Variants in PLEC observed in about 807,000 individuals in gnomAD.
The protein encoded by PLEC is hemidesmosomal protein 1.
PLEC carries 216 observed loss-of-function variants against 392.8 expected under a neutral mutation model. The observed-to-expected ratio is 0.55, with a 90% confidence interval of 0.49 to 0.62. The LOEUF (loss-of-function observed/expected upper bound fraction) is 0.62, where lower values mean the gene tolerates loss of function less well. Ranked by LOEUF, PLEC falls within the 20% of genes least tolerant of loss-of-function variation. The pLI, the probability that PLEC is intolerant of heterozygous loss-of-function variation, is 0.00. For missense variants in PLEC, 6,863 were observed against 6,563.4 expected, an observed-to-expected ratio of 1.05 and a Z score of -1.58; for synonymous variants, 3,621 against 2,980.6, an observed-to-expected ratio of 1.21 and a Z score of -7.00.
chr8:143,923,489 G>A lies in PLEC; in HGVS notation c.6440C>T (p.Ala2147Val), dbSNP rs201351000. 53 of 1,599,738 alleles carry A rather than the reference G, an allele frequency of 3.3e-5. No individual in the cohort carries two copies. In the East Asian group the frequency reaches 8.5e-4, roughly 26 times the overall value. Reference protein sequence around the residue: ...KLRKEAEQEAARRAQAEQAAL... With the variant: ...KLRKEAEQEAVRRAQAEQAAL... The stretch of plus-strand genomic sequence containing the variant: ...CGCCTGCTCCGCCTGTGCCCGCCGC[G>A]CCGCCTCTTGCTCGGCCTCCTTGCG... Residue 2147 changes from alanine to valine, a missense_variant, in exon 31 of 32, where the codon GCG becomes GTG. Ala to Val is a moderately conservative substitution (Grantham distance 64). Coordinates refer to ENST00000345136, the MANE Select transcript of PLEC (RefSeq NM_201384.3).
intron 5 of PLEC, 111 bp downstream of exon 5, chr8:143,936,868 A>C (rs1587184146): frequency 1.2e-6 from 1 of 839,450 alleles, no homozygotes; most frequent in Non-Finnish European, 2.0e-6. Flanking sequence ...GGCGCCAGTC[A>C]CCTCCCAGGC....
At position 143,918,457 on chromosome 8, in the gene PLEC, C is replaced by T. The variant is rs782618512; in HGVS notation, c.11364G>A (p.Lys3788=). The T allele has an allele frequency of 8.8e-6, 14 of 1,590,296 alleles. No individual in the cohort carries two copies. The highest frequency in any genetic ancestry group is 1.2e-5 in the Non-Finnish European group (14 of 1,170,186). ...GGGCCTCCTCAGTAGGGATCAGCTC[C>T]TTCTTCATGGCCTGGAAGAGCGAGA... ...QTISLFQAMK[K]ELIPTEEALR... Residue 3788 remains lysine (K), a synonymous_variant, in exon 32 of 32, where the codon AAG becomes AAA. Transcript: ENST00000345136.
Position 143,929,672 on chromosome 8 carries a change from T to C in PLEC, c.2897A>G (p.Gln966Arg). The C allele has an allele frequency of 6.2e-7, 1 of 1,600,892 alleles. No homozygotes were observed. The highest frequency in any genetic ancestry group is 8.5e-7 in the Non-Finnish European group (1 of 1,179,276). The stretch of plus-strand genomic sequence containing the variant: ...CTGTTCCAGGCTCTGCAGCAGCTGC[T>C]GGTAGTGGTGGCTGCAGGAGCCGTA... ...REYGSCSHHY[Q>R]QLLQSLEQGA... The change falls in exon 23 of 32, where the codon CAG (glutamine) becomes CGG (arginine). Residue 966 changes from glutamine (Q) to arginine (R), a missense_variant. Gln to Arg is a conservative substitution (Grantham distance 43). Coordinates refer to ENST00000345136, the MANE Select transcript of PLEC (RefSeq NM_201384.3).
In PLEC at chr8:143,922,062, G is replaced by A. The variant is rs782024891; in HGVS notation, c.7759C>T (p.Leu2587=). ...CGCAGCCTCTGGTTCTCCTCAGCCAGCAGCTCCTCCTGCTGCCGCCGCTGC... is the reference window on the plus strand; with the variant it reads ...CGCAGCCTCTGGTTCTCCTCAGCCAACAGCTCCTCCTGCTGCCGCCGCTGC... ...EQQRRQQEEL[L]AEENQRLREQ... is the part of the protein sequence containing the mutation. The change falls in exon 32 of 32, where the codon CTG becomes TTG. Residue 2587 remains leucine (L), a synonymous_variant. Coordinates refer to ENST00000345136, the MANE Select transcript of PLEC (RefSeq NM_201384.3). The A allele has an allele frequency of 1.9e-6, 3 of 1,590,116 alleles. No individual in the cohort carries two copies. Among genetic ancestry groups the A allele is most frequent in the Non-Finnish European group, 1.7e-6 (2 of 1,176,246 alleles).
chr8:143,950,120 C>G, intron 1 of PLEC: 2 of 1,454,772 alleles, frequency 1.4e-6, no homozygotes, highest in Non-Finnish European at 1.8e-6. Context: ...GGCCCAGGCC[C>G]AAGACCCGAC....
upstream of PLEC, among the ~76,000 whole-genome samples, chr8:143,952,740 G>C (rs1450875821): frequency 6.6e-6 from 1 of 152,148 alleles, no homozygotes; most frequent in Non-Finnish European, 1.5e-5. Flanking sequence ...TCCTACACAG[G>C]CCTGCAGGGG....
upstream of PLEC, chr8:143,942,321 A>C: frequency 2.5e-6 from 4 of 1,569,654 alleles, no homozygotes; most frequent in Non-Finnish European, 3.5e-6. Context: ...GGTTCCCAGC[A>C]GAGACCCAGC....
At position 143,923,265 on chromosome 8, in the gene PLEC, G is replaced by A. The variant is rs1823561323; in HGVS notation, c.6664C>T (p.Gln2222Ter). 6.2e-7 allele frequency: 1 copy of A among 1,606,326 alleles called. No homozygotes were observed. The highest frequency in any genetic ancestry group is 8.5e-7 in the Non-Finnish European group (1 of 1,179,892). Residue 2222 changes from glutamine (Q) to a stop codon, truncating the protein, a stop_gained, in exon 31 of 32, where the codon CAG (glutamine) becomes TAG (stop). Transcript: ENST00000345136. LOFTEE classifies it high-confidence loss of function. ...LKAEATEAAR[Q>*]RSQVEEELFS... is the part of the protein sequence containing the mutation. ...AGCTCCTCCTCCACCTGGCTGCGCT[G>A]GCGTGCGGCCTCCGTGGCCTCCGCC...
At chr8:143,944,614 G>T in intron 1 of PLEC, 1 of 1,283,514 alleles carries the variant, frequency 7.8e-7, no homozygotes, top group Non-Finnish European at 1.0e-6. Context: ...AAGGGGCCAG[G>T]ATTTCACAAG....
Position 143,929,399 on chromosome 8 carries a change from G to T in PLEC, c.3081+15C>A, listed in dbSNP as rs1373601781. The T allele has an allele frequency of 6.4e-7, 1 of 1,561,532 alleles. No individual in the cohort carries two copies. The highest frequency in any genetic ancestry group is 1.9e-5 in the Admixed American group (1 of 52,730). ...GGGAGAGGGATGGGACTGGATGGGG[G>T]GGGACGGCCCCTGCCTGCTGCTCGG... On this transcript the variant is annotated intron_variant, in intron 24 of 31. Transcript: ENST00000345136.
rs782055973 is a variant in PLEC, at chr8:143,929,701, G to C, written c.2868C>G (p.Arg956=). 3 of 1,599,482 alleles carry C rather than the reference G, an allele frequency of 1.9e-6. No homozygotes were observed. The highest frequency in any genetic ancestry group is 2.2e-5 in the South Asian group (2 of 90,936). ...AGTGGTGGCTGCAGGAGCCGTACTCGCGCTCAGCCATCAGCCGGTCCTCGG... is the reference window on the plus strand; with the variant it reads ...AGTGGTGGCTGCAGGAGCCGTACTCCCGCTCAGCCATCAGCCGGTCCTCGG... ...FGPEDRLMAE[R]EYGSCSHHYQ... The change falls in exon 23 of 32, where the codon CGC becomes CGG. Residue 956 remains arginine (R), a synonymous_variant. Transcript: ENST00000345136.
intron 1 of PLEC, among the ~76,000 whole-genome samples, chr8:143,959,394 C>T (rs1462059832): frequency 6.6e-6 from 1 of 152,242 alleles, no homozygotes; most frequent in African/African-American, 2.4e-5. Flanking sequence ...AGATAACTGA[C>T]GATCGGTCAG....
At chr8:143,967,706 T>C (rs1833184563) in intron 1 of PLEC, among the ~76,000 whole-genome samples, 1 of 152,204 alleles carries the variant, frequency 6.6e-6, no homozygotes, top group African/African-American at 2.4e-5. Flanking sequence ...GGAGGATCCC[T>C]TGATTCCATT....
intron 3 of PLEC, 24 bp from the exon 4 acceptor site, chr8:143,937,266 C>G: frequency 6.3e-7 from 1 of 1,586,638 alleles, no homozygotes; most frequent in Non-Finnish European, 8.6e-7. Flanking sequence ...CAGTCAGCAC[C>G]CACAGTGCAG....
chr8:143,942,638 C>G (rs1161155410), upstream of PLEC: 4 of 1,173,940 alleles, frequency 3.4e-6, no homozygotes, highest in Non-Finnish European at 4.6e-6. Flanking sequence ...TCTTCCACCT[C>G]CCCCCCACAA....
At chr8:143,952,562 C>T (rs1286662503), upstream of PLEC, among the ~76,000 whole-genome samples, 2 of 152,070 alleles carry the variant, frequency 1.3e-5, no homozygotes, top group African/African-American at 2.4e-5. Context: ...AGCGCACCCC[C>T]CCACACTGAC....
upstream of PLEC, among the ~76,000 whole-genome samples, chr8:143,951,479 C>A (rs182789971): frequency 1.4e-3 from 220 of 152,206 alleles, no homozygotes; most frequent in African/African-American, 5.1e-3. Context: ...ACGGACAGAG[C>A]CCCCACCTCC....
chr8:143,958,500 A>T, upstream of PLEC: 3 of 320,794 alleles, frequency 9.4e-6, no homozygotes, highest in South Asian at 6.8e-5. The surrounding 1 kb of genome is among the most constrained non-coding windows in gnomAD (Gnocchi z 4.9). Context: ...AATATCTCTC[A>T]AACCTGTCCT....
rs1820707029 is a variant in PLEC, at chr8:143,916,757, G to A, written c.13064C>T (p.Ala4355Val). 2.5e-6 allele frequency: 4 copies of A among 1,613,278 alleles called. No homozygotes were observed. Among genetic ancestry groups the A allele is most frequent in the South Asian group, 1.1e-5 (1 of 91,086 alleles). ...MVDRINLAQK[A>V]FCGFEDPRTK... ...GCGTGGGTCCTCGAAGCCGCAGAAG[G>A]CCTTCTGGGCCAGGTTGATGCGGTC... Residue 4355 changes from alanine (A) to valine (V), a missense_variant, in exon 32 of 32, where the codon GCC becomes GTC. Ala to Val is a moderately conservative substitution (Grantham distance 64). Transcript: ENST00000345136.
Sources: allele counts gnomAD v4.1 joint callset (sites outside exome capture counted in the v4.1 genomes callset), GRCh38; gene constraint gnomAD v4.1.1; non-coding constraint Gnocchi (gnomAD v3.1); transcripts MANE v1.5; gene names NCBI Gene and HGNC (gene_info 2026-07-23, HGNC 2026-07-21).